FNTB: variants seen among roughly 807,000 people sequenced by gnomAD.
The protein encoded by FNTB is farnesyltransferase, CAAX box, subunit beta, also known as protein farnesyltransferase subunit beta.
A neutral mutation model predicts 59.4 loss-of-function variants in FNTB; 27 were observed. That is an observed-to-expected ratio of 0.45 (90% CI 0.34 to 0.63). The LOEUF is 0.63. FNTB is among the 20% of genes least tolerant of loss of function. FNTB has a pLI of 0.02. For synonymous variants in FNTB, 230 were observed against 220.7 expected (o/e 1.04, Z -0.37); for missense variants, 449 against 559.6 (o/e 0.80, Z 1.99).
At chr14:65,048,169 G>A (rs2062526611) in intron 9 of FNTB, among the ~76,000 whole-genome samples, 1 of 151,608 alleles carries the variant, frequency 6.6e-6, no homozygotes, top group Non-Finnish European at 1.5e-5. Context: ...TTTTAGTAGA[G>A]ACAGGATATG....
intron 11 of FNTB, among the ~76,000 whole-genome samples, chr14:65,058,862 G>C (rs2062800734): frequency 6.6e-6 from 1 of 152,140 alleles, no homozygotes; most frequent in Non-Finnish European, 1.5e-5. Flanking sequence ...CAGTTTGCCA[G>C]TATGTTTGCC....
At chr14:65,017,078 G>A (rs528930335) in intron 4 of FNTB, among the ~76,000 whole-genome samples, 70 of 151,840 alleles carry the variant, frequency 4.6e-4, no homozygotes, top group Middle Eastern at 3.4e-3. Flanking sequence ...ACCCACCACC[G>A]TGCCTGGCTA....
intron 4 of FNTB, chr14:65,022,262 C>T (rs1471539560): frequency 6.2e-6 from 2 of 324,886 alleles, no homozygotes; most frequent in African/African-American, 4.4e-5. Context: ...TTCCTATTTC[C>T]AAAGCTGTAA....
intron 1 of FNTB, 144 bp from the exon 2 acceptor site, chr14:65,004,105 C>T (rs780062237): frequency 1.3e-6 from 1 of 750,066 alleles, no homozygotes; most frequent in Non-Finnish European, 2.1e-6. Context: ...TGTCATCCTG[C>T]AGAACCCATC....
At chr14:65,056,658 C>T (rs2062743956) in intron 11 of FNTB, among the ~76,000 whole-genome samples, 1 of 152,174 alleles carries the variant, frequency 6.6e-6, no homozygotes, top group African/African-American at 2.4e-5. Flanking sequence ...ATTCTGTGCT[C>T]ATTTTCTTAC....
rs772958122 is a variant in FNTB at position 65,044,428 on chromosome 14, G to A, written c.940G>A (p.Ala314Thr). The change falls in exon 9 of 12, where the codon GCA (alanine) becomes ACA (threonine). Residue 314 changes from alanine (A) to threonine (T), a missense_variant. Coordinates refer to ENST00000246166, the MANE Select transcript of FNTB (RefSeq NM_002028.4). The surrounding 1 kb of genome is among the most constrained non-coding windows in gnomAD (Gnocchi z 5.5). ...QAGLLPLLHRALHAQGDPALS... is the reference protein window; with the variant it reads ...QAGLLPLLHRTLHAQGDPALS... ...GGGGCTCCTGCCCCTGCTCCACCGC[G>A]CACTGCACGCCCAAGGTGAGCCTGG... The A allele has an allele frequency of 3.7e-5, 60 of 1,611,212 alleles. No individual in the cohort carries two copies. Among genetic ancestry groups the A allele is most frequent in the East Asian group, 2.0e-4 (9 of 44,694 alleles).
chr14:65,044,261 ATT>A lies in FNTB; in HGVS notation c.823-47_823-46del, dbSNP rs746211414. The stretch of plus-strand genomic sequence containing the variant: ...ACTCCTGGAGATTCTGTCGGGCTGG[ATT>A]TTGTCTCTTTTAGCCTACAACTGCC... On this transcript the variant is annotated intron_variant, in intron 8 of 11. Coordinates refer to ENST00000246166, the MANE Select transcript of FNTB (RefSeq NM_002028.4). The surrounding 1 kb of genome is among the most constrained non-coding windows in gnomAD (Gnocchi z 5.5). 15 of 1,606,568 alleles carry A rather than the reference ATT, an allele frequency of 9.3e-6. No homozygotes were observed. In the South Asian group the frequency reaches 1.4e-4, roughly 16 times the overall value.
intron 11 of FNTB, among the ~76,000 whole-genome samples, chr14:65,057,666 C>T (rs149440695): frequency 6.6e-6 from 1 of 152,306 alleles, no homozygotes; most frequent in Non-Finnish European, 1.5e-5. Context: ...AGTGTAACTT[C>T]TTCTAAATAG....
intron 2 of FNTB, among the ~76,000 whole-genome samples, chr14:65,010,194 CT>C (rs1399582873): frequency 2.0e-5 from 3 of 152,176 alleles, no homozygotes; most frequent in African/African-American, 7.2e-5. Flanking sequence ...ATGACACTTC[CT>C]TTGCTCTTCC....
chr14:65,058,751 A>G (rs550298296), intron 11 of FNTB, among the ~76,000 whole-genome samples: 41 of 152,302 alleles, frequency 2.7e-4, no homozygotes, highest in Non-Finnish European at 4.6e-4. Flanking sequence ...TTTCATTAAT[A>G]TTCTGATGTT....
At chr14:65,013,273 A>G (rs1030532148) in intron 3 of FNTB, among the ~76,000 whole-genome samples, 2 of 151,582 alleles carry the variant, frequency 1.3e-5, no homozygotes, top group Admixed American at 6.6e-5. Context: ...TTTCCTGCCC[A>G]TTACTGCCAT....
chr14:65,026,198 C>CT (rs1458565822), intron 4 of FNTB, among the ~76,000 whole-genome samples: 2 of 152,320 alleles, frequency 1.3e-5, no homozygotes, highest in East Asian at 1.9e-4. Context: ...GGCGGGAAGG[C>CT]TGTGACCCTG....
rs1028733104 is a variant in FNTB, at chr14:65,044,942, C to T, written c.955+499C>T. On this transcript the variant is annotated intron_variant, in intron 9 of 11. Coordinates refer to ENST00000246166, the MANE Select transcript of FNTB (RefSeq NM_002028.4). The surrounding 1 kb of genome is among the most constrained non-coding windows in gnomAD (Gnocchi z 5.5). ...CCCTACACCATGGAGAAGAGACTCGCCGTGTCTGACTGGCTGCAGAGTTGT... is the reference window on the plus strand; with the variant it reads ...CCCTACACCATGGAGAAGAGACTCGTCGTGTCTGACTGGCTGCAGAGTTGT... 6.6e-6 allele frequency among the ~76,000 whole-genome samples: 1 copy of T among 152,122 alleles called. No individual in the cohort carries two copies. The highest frequency in any genetic ancestry group is 1.5e-5 in the Non-Finnish European group (1 of 68,022).
At chr14:65,045,420 TC>T (rs1407477147) in intron 9 of FNTB, among the ~76,000 whole-genome samples, 1 of 13,970 alleles carries the variant, frequency 7.2e-5, no homozygotes, top group Admixed American at 5.8e-4. Flanking sequence ...TCTTCCCCCC[TC>T]CCCGCCGCCC....
chr14:65,008,238 C>T (rs1164304129), intron 2 of FNTB, among the ~76,000 whole-genome samples: 1 of 152,242 alleles, frequency 6.6e-6, no homozygotes, highest in African/African-American at 2.4e-5. Flanking sequence ...ACTGAATCCC[C>T]TGTCCTCTCA....
intron 2 of FNTB, among the ~76,000 whole-genome samples, chr14:65,005,499 TTCTTTCTTTCTTTC>T (rs774072401): frequency 2.7e-4 from 35 of 131,010 alleles, no homozygotes; most frequent in African/African-American, 1.1e-3. Flanking sequence ...CTTTCTTTCT[TTCTTTCTTTCTTTC>T]TCTCTCTCTT....
rs1302104994 is a variant in FNTB, at chr14:64,994,512, A to T, written c.144+7415A>T. Among the ~76,000 whole-genome samples the T allele has an allele frequency of 6.6e-6, 1 of 152,240 alleles. No homozygotes were observed. The highest frequency in any genetic ancestry group is 1.5e-5 in the Non-Finnish European group (1 of 68,052). On this transcript the variant is annotated intron_variant, in intron 1 of 11. Coordinates refer to ENST00000246166, the MANE Select transcript of FNTB (RefSeq NM_002028.4). The surrounding 1 kb of genome is among the most constrained non-coding windows in gnomAD (Gnocchi z 4.2). ...TGGTATAGCTTGTTGCTCCTAGGCT[A>T]CAGGCTACAAACCTACACAGTATGT... is the stretch of plus-strand genomic sequence containing the variant.
chr14:65,004,267 A>T lies in FNTB; in HGVS notation c.163A>T (p.Ile55Phe), dbSNP rs755744657. The change falls in exon 2 of 12, where the codon ATC (isoleucine) becomes TTC (phenylalanine). Residue 55 changes from isoleucine (I) to phenylalanine (F), a missense_variant. Around this residue, in one of 2 missense-constraint regions of FNTB, gnomAD observed 112 missense variants for 80.5 expected, o/e 1.39. Transcript: ENST00000246166. ...SIEQAKVEEKIQEVFSSYKFN... is the reference protein window; with the variant it reads ...SIEQAKVEEKFQEVFSSYKFN... ...TTACCAGGCAAAAGTAGAAGAAAAG[A>T]TCCAAGAGGTCTTCAGTTCTTACAA... The T allele has an allele frequency of 6.2e-7, 1 of 1,613,672 alleles. No individual in the cohort carries two copies. Among genetic ancestry groups the T allele is most frequent in the African/African-American group, 1.3e-5 (1 of 75,054 alleles).
rs1418531241 is a variant in FNTB, at chr14:65,023,721, A to G, written c.375-3732A>G. On this transcript the variant is annotated intron_variant, in intron 4 of 11. Transcript: ENST00000246166. The surrounding 1 kb of genome is among the most constrained non-coding windows in gnomAD (Gnocchi z 4.1). ...TGCCTCATGTGGCTAGTGGCTGCCT[A>G]TTGGACAGCACAGATGTATCTCATT... Among the ~76,000 whole-genome samples, 1 of 152,076 alleles carries G rather than the reference A, an allele frequency of 6.6e-6. No homozygotes were observed. Among genetic ancestry groups the G allele is most frequent in the Non-Finnish European group, 1.5e-5 (1 of 67,984 alleles).
Sources: allele counts gnomAD v4.1 joint callset (sites outside exome capture counted in the v4.1 genomes callset), GRCh38; gene constraint gnomAD v4.1.1; regional missense constraint gnomAD v4.1.1; non-coding constraint Gnocchi (gnomAD v3.1); transcripts MANE v1.5; gene names NCBI Gene and HGNC (gene_info 2026-07-23, HGNC 2026-07-21).